TNIP2: variants seen among roughly 807,000 people sequenced by gnomAD.
TNIP2 encodes TNFAIP3 interacting protein 2.
Under a neutral mutation model 43.7 loss-of-function variants are expected in TNIP2, and 30 were observed. That is an observed-to-expected ratio of 0.69 (90% CI 0.51 to 0.93). TNIP2 has a LOEUF of 0.93. TNIP2 is among the 40% of genes least tolerant of loss of function. TNIP2 has a pLI of 0.00. For synonymous variants in TNIP2, 260 were observed against 254.6 expected (o/e 1.02, Z -0.20); for missense variants, 599 against 591.0 (o/e 1.01, Z -0.14).
Position 2,744,775 on chromosome 4 carries a change from G to T in TNIP2, c.828C>A (p.Ala276=). 1 of 1,611,534 alleles carries T rather than the reference G, an allele frequency of 6.2e-7. No individual in the cohort carries two copies. ...AGGCCGCCAGCTCCTGCTTCACTTC[G>T]GCACAGTCATTTATTTTCTCTTCCA... ...RQLEEKINDC[A]EVKQELAASR... Residue 276 remains alanine, a synonymous_variant, in exon 4 of 6, where the codon GCC becomes GCA. Coordinates refer to ENST00000315423, the MANE Select transcript of TNIP2 (RefSeq NM_024309.4). The surrounding 1 kb of genome is among the most constrained non-coding windows in gnomAD (Gnocchi z 5.1).
chr4:2,752,804 G>A (rs568978058), intron 1 of TNIP2, among the ~76,000 whole-genome samples: 1 of 152,334 alleles, frequency 6.6e-6, no homozygotes, highest in South Asian at 2.1e-4. Flanking sequence ...AGCACTTTGA[G>A]AGGCCGAGAC....
In TNIP2 at chr4:2,747,795, G is replaced by C. The variant is rs1220006893; in HGVS notation, c.427C>G (p.Leu143Val). The C allele has an allele frequency of 4.3e-6, 7 of 1,612,652 alleles. No homozygotes were observed. The East Asian group carries it at 1.6e-4, about 36-fold the overall frequency. Residue 143 changes from leucine to valine, a missense_variant, in exon 2 of 6, where the codon CTG becomes GTG. Transcript: ENST00000315423. ...GTCTCGTTGGCCAAGGAGCGGCACA[G>C]GACGTCACTGGCGGCCCGGGCGCGC... ...GERARAASDV[L>V]CRSLANETHQ...
At chr4:2,752,181 A>G (rs967438012) in intron 1 of TNIP2, among the ~76,000 whole-genome samples, 3 of 152,154 alleles carry the variant, frequency 2.0e-5, no homozygotes, top group Non-Finnish European at 4.4e-5. Context: ...CAAGAAAACA[A>G]GCAAAGCAAA....
chr4:2,747,194 A>C (rs1473102087), intron 2 of TNIP2, among the ~76,000 whole-genome samples: 1 of 152,232 alleles, frequency 6.6e-6, no homozygotes, highest in South Asian at 2.1e-4. Context: ...AGACACACTG[A>C]GCCTGAAGAA....
At chr4:2,753,307 G>A (rs1300878451) in intron 1 of TNIP2, among the ~76,000 whole-genome samples, 1 of 152,012 alleles carries the variant, frequency 6.6e-6, no homozygotes, top group South Asian at 2.1e-4. Context: ...AGGTGTGATG[G>A]CACACTCCTG....
rs764819083 is a variant in TNIP2, at chr4:2,744,655, A to G, written c.906+42T>C. The G allele has an allele frequency of 6.3e-6, 10 of 1,586,800 alleles. No individual in the cohort carries two copies. Among genetic ancestry groups the G allele is most frequent in the Non-Finnish European group, 6.0e-6 (7 of 1,170,304 alleles). ...ATGATTTCGGCCACCACCGGCCAGC[A>G]GACATCTGGTCAGTGCCGTCCGGAG... On this transcript the variant is annotated intron_variant, in intron 4 of 5. Coordinates refer to ENST00000315423, the MANE Select transcript of TNIP2 (RefSeq NM_024309.4). This position sits in a 1 kb window ranked among gnomAD's most constrained non-coding sequence, Gnocchi z 5.1.
intron 1 of TNIP2, among the ~76,000 whole-genome samples, chr4:2,751,794 G>A (rs963309405): frequency 4.0e-5 from 6 of 150,436 alleles, no homozygotes; most frequent in Non-Finnish European, 7.4e-5. Flanking sequence ...GAGGGGAGGA[G>A]AAAGGAAGAA....
chr4:2,744,870 G>A lies in TNIP2; in HGVS notation c.733C>T (p.Leu245Phe). Reference protein sequence around the residue: ...DEYVRGLHAQLRGLQIPHEPE... With the variant: ...DEYVRGLHAQFRGLQIPHEPE... The stretch of plus-strand genomic sequence containing the variant: ...TCGTGGGGGATCTGCAGCCCCCTGA[G>A]CTGCGCATGGAGCCCCCTCACGTAT... Residue 245 changes from leucine to phenylalanine, a missense_variant, in exon 4 of 6, where the codon CTC becomes TTC. Leu to Phe is a conservative substitution (Grantham distance 22, BLOSUM62 0). Coordinates refer to ENST00000315423, the MANE Select transcript of TNIP2 (RefSeq NM_024309.4). This position sits in a 1 kb window ranked among gnomAD's most constrained non-coding sequence, Gnocchi z 5.1. 1.9e-6 allele frequency: 3 copies of A among 1,614,018 alleles called. No individual in the cohort carries two copies. The highest frequency in any genetic ancestry group is 2.5e-6 in the Non-Finnish European group (3 of 1,180,038).
intron 5 of TNIP2, among the ~76,000 whole-genome samples, 184 bp from the exon 6 acceptor site, chr4:2,742,704 A>G (rs370595494): frequency 2.0e-5 from 3 of 152,214 alleles, no homozygotes; most frequent in East Asian, 1.9e-4. Context: ...AGGATCACAC[A>G]CACGCTCCGT....
intron 1 of TNIP2, among the ~76,000 whole-genome samples, chr4:2,752,533 C>T (rs2109493298): frequency 6.6e-6 from 1 of 152,280 alleles, no homozygotes; most frequent in East Asian, 1.9e-4. Flanking sequence ...TCTGGGAGCC[C>T]TCAGTCCCTA....
chr4:2,745,405 A>T, intron 3 of TNIP2, 41 bp downstream of exon 3: 1 of 1,458,720 alleles, frequency 6.9e-7, no homozygotes, highest in Non-Finnish European at 9.6e-7. Context: ...ACAGTTTGTA[A>T]GCCATGTGTT....
chr4:2,752,569 G>C (rs1381795718), intron 1 of TNIP2, among the ~76,000 whole-genome samples: 1 of 152,032 alleles, frequency 6.6e-6, no homozygotes, highest in Non-Finnish European at 1.5e-5. Context: ...TGCTCCTAAC[G>C]GGCTCTCATA....
chr4:2,748,817 G>A (rs1722027930), intron 1 of TNIP2, among the ~76,000 whole-genome samples: 2 of 144,512 alleles, frequency 1.4e-5, no homozygotes, highest in South Asian at 4.4e-4. Flanking sequence ...TTTTTTTGAG[G>A]CAGGGTCTCA....
chr4:2,745,847 A>G (rs1389862079), intron 2 of TNIP2, among the ~76,000 whole-genome samples: 1 of 152,292 alleles, frequency 6.6e-6, no homozygotes, highest in East Asian at 1.9e-4. Context: ...TAAATATTCT[A>G]AAGCCATAAT....
intron 1 of TNIP2, 87 bp downstream of exon 1, chr4:2,755,927 C>A: frequency 7.1e-7 from 1 of 1,408,812 alleles, no homozygotes; most frequent in African/African-American, 1.6e-5. Flanking sequence ...CCTCAGGACC[C>A]GGGGCCCGCT....
At chr4:2,755,896 G>A (rs1362414448) in intron 1 of TNIP2, 118 bp downstream of exon 1, 1 of 1,251,918 alleles carries the variant, frequency 8.0e-7, no homozygotes, top group African/African-American at 1.7e-5. Context: ...CTCAACCCCA[G>A]GACCCAGTAC....
chr4:2,756,091 G>C lies in TNIP2; in HGVS notation c.199C>G (p.Leu67Val). ...GDAAPSLVDA[L>V]LEQVARFREQ... ...CGGAAGCGCGCAACCTGCTCCAGCA[G>C]CGCGTCCACTAGGGACGGCGCGGCG... is the stretch of plus-strand genomic sequence containing the variant. The change falls in exon 1 of 6, where the codon CTG becomes GTG. Residue 67 changes from leucine to valine, a missense_variant. Coordinates refer to ENST00000315423, the MANE Select transcript of TNIP2 (RefSeq NM_024309.4). 1 of 1,521,244 alleles carries C rather than the reference G, an allele frequency of 6.6e-7. No individual in the cohort carries two copies. Among genetic ancestry groups the C allele is most frequent in the Non-Finnish European group, 8.7e-7 (1 of 1,146,400 alleles). The allele number at this position is 1,521,244 out of a possible 1,614,324, so 94.2% of individuals were successfully genotyped here.
chr4:2,742,459 G>A lies in TNIP2; in HGVS notation c.1088C>T (p.Ala363Val). The change falls in exon 6 of 6, where the codon GCC (alanine) becomes GTC (valine). Residue 363 changes from alanine to valine, a missense_variant. Physicochemically the swap from Ala to Val is moderately conservative, Grantham distance 64. Coordinates refer to ENST00000315423, the MANE Select transcript of TNIP2 (RefSeq NM_024309.4). ...CACCATAAGCTCTAATGCGTCGGCGGCCAAATACTTGGCAGTTTTGCTCCC... is the reference window on the plus strand; with the variant it reads ...CACCATAAGCTCTAATGCGTCGGCGACCAAATACTTGGCAGTTTTGCTCCC... ...HAGSKTAKYL[A>V]ADALELMVPG... The A allele has an allele frequency of 1.2e-6, 2 of 1,609,872 alleles. No individual in the cohort carries two copies. The highest frequency in any genetic ancestry group is 1.1e-5 in the South Asian group (1 of 90,540).
chr4:2,754,502 C>T (rs879500201), intron 1 of TNIP2, among the ~76,000 whole-genome samples: 3 of 152,088 alleles, frequency 2.0e-5, no homozygotes, highest in African/African-American at 4.8e-5. Flanking sequence ...CTGCAAGCTC[C>T]GCCGCCCGGG....
Sources: gnomAD v4.1 joint callset for allele counts (sites outside exome capture counted in the v4.1 genomes callset) on GRCh38, gnomAD v4.1.1 for gene constraint, Gnocchi (gnomAD v3.1) non-coding constraint, MANE v1.5 for transcripts, NCBI Gene and HGNC (gene_info 2026-07-23, HGNC 2026-07-21) for gene names.